The following RAB5A variants were observed in gnomAD, a reference collection of about 807,000 sequenced individuals.
RAB5A encodes the protein ras-related protein Rab-5A.
Under a neutral mutation model 25.7 loss-of-function variants are expected in RAB5A, and 8 were observed. That is an observed-to-expected ratio of 0.31 (90% CI 0.18 to 0.56). The LOEUF is 0.56. Ranked by LOEUF, RAB5A falls within the 20% of genes least tolerant of loss-of-function variation. RAB5A has a pLI of 0.91. For synonymous variants in RAB5A, 98 were observed against 89.8 expected, an observed-to-expected ratio of 1.09 and a Z score of -0.52; for missense variants, 192 against 259.7, an observed-to-expected ratio of 0.74 and a Z score of 1.79.
At chr3:19,962,554 G>A (rs1696602097) in intron 2 of RAB5A, among the ~76,000 whole-genome samples, 1 of 152,048 alleles carries the variant, frequency 6.6e-6, no homozygotes, top group Non-Finnish European at 1.5e-5. Context: ...GGGCAACAGA[G>A]CGAGAGTCCA....
chr3:19,984,115 G>T lies in RAB5A; in HGVS notation c.*292G>T. On this transcript the variant is annotated 3_prime_UTR_variant, in exon 6 of 6. Transcript: ENST00000273047. Reference sequence around the variant, plus strand: ...TCACTAGGAATATAGACAAATGACTGTCTGGGCCCACACAGTTAACCAGCC... The same window carrying T: ...TCACTAGGAATATAGACAAATGACTTTCTGGGCCCACACAGTTAACCAGCC... 2.4e-6 allele frequency: 1 copy of T among 408,944 alleles called. No individual in the cohort carries two copies. The highest frequency in any genetic ancestry group is 4.6e-6 in the Non-Finnish European group (1 of 218,188). The allele number at this position is 408,944 out of a possible 1,614,324, so 25.3% of individuals were successfully genotyped here.
At chr3:19,962,560 G>GT (rs1313745674) in intron 2 of RAB5A, among the ~76,000 whole-genome samples, 2 of 151,254 alleles carry the variant, frequency 1.3e-5, no homozygotes, top group Admixed American at 1.3e-4. Context: ...CAGAGCGAGA[G>GT]TCCATCTCAA....
intron 1 of RAB5A, among the ~76,000 whole-genome samples, chr3:19,950,564 A>C (rs1696408042): frequency 6.6e-6 from 1 of 152,190 alleles, no homozygotes; most frequent in South Asian, 2.1e-4. Context: ...TTGAGAAGTT[A>C]AGTACTTAAA....
chr3:19,979,052 C>T lies in RAB5A; in HGVS notation c.532+649C>T, dbSNP rs539904000. On this transcript the variant is annotated intron_variant, in intron 5 of 5. Coordinates refer to ENST00000273047, the MANE Select transcript of RAB5A (RefSeq NM_004162.5). ...AGTGCAATGGTACGATCTCAGCTCA[C>T]TGCAACCTCCACTTCCCGGATTCAA... Among the ~76,000 whole-genome samples, 11 of 152,106 alleles carry T rather than the reference C, an allele frequency of 7.2e-5. No homozygotes were observed. In the South Asian group the frequency reaches 2.3e-3, roughly 32 times the overall value.
chr3:19,948,809 G>A (rs1452395374), intron 1 of RAB5A, among the ~76,000 whole-genome samples: 2 of 151,908 alleles, frequency 1.3e-5, no homozygotes, highest in Non-Finnish European at 2.9e-5. Flanking sequence ...GAAATTTGGA[G>A]CATATTGTCC....
chr3:19,951,701 G>GTTTTTTTTGTTTTTTTTTTTTTT (rs1553638047), intron 2 of RAB5A, among the ~76,000 whole-genome samples: 1 of 99,014 alleles, frequency 1.0e-5, no homozygotes, highest in African/African-American at 4.1e-5. Context: ...TGCCAGGCAA[G>GTTTTTTTTGTTTTTTTTTTTTTT]TTTTTTTTTT....
intron 2 of RAB5A, among the ~76,000 whole-genome samples, chr3:19,972,698 T>A (rs894020511): frequency 1.3e-5 from 2 of 152,250 alleles, no homozygotes; most frequent in Non-Finnish European, 2.9e-5. Flanking sequence ...TTCATTAGCC[T>A]GTTAATGTAA....
intron 2 of RAB5A, among the ~76,000 whole-genome samples, chr3:19,957,490 T>TA (rs57627468): frequency 0.015 from 2,023 of 138,680 alleles, 22 homozygotes; most frequent in Admixed American, 0.04. Flanking sequence ...CCATCCTTAC[T>TA]AAAAAAAAAA....
chr3:19,969,017 GT>G (rs1197683403), intron 2 of RAB5A, among the ~76,000 whole-genome samples: 1 of 115,592 alleles, frequency 8.7e-6, no homozygotes, highest in Non-Finnish European at 2.0e-5. Flanking sequence ...GCAAATTGGT[GT>G]TTTTTGGTTT....
chr3:19,978,555 C>T (rs916290863), intron 5 of RAB5A, 152 bp downstream of exon 5: 8 of 569,948 alleles, frequency 1.4e-5, no homozygotes, highest in Non-Finnish European at 2.6e-5. Flanking sequence ...GATTATACCA[C>T]TTTTCTAAGT....
rs1389672482 is a variant in RAB5A at position 19,951,780 on chromosome 3, T to C, written c.163+719T>C. On this transcript the variant is annotated intron_variant, in intron 2 of 5. Coordinates refer to ENST00000273047, the MANE Select transcript of RAB5A (RefSeq NM_004162.5). Reference sequence around the variant, plus strand: ...TTGAACTCCTGGCCTCAAGTGAGCCTCCAGCCTCAACCTCCCAGGTAGCTG... The same window carrying C: ...TTGAACTCCTGGCCTCAAGTGAGCCCCCAGCCTCAACCTCCCAGGTAGCTG... Among the ~76,000 whole-genome samples, 7 of 146,328 alleles carry C rather than the reference T, an allele frequency of 4.8e-5. No individual in the cohort carries two copies. In the Admixed American group the frequency reaches 4.9e-4, roughly 10 times the overall value.
intron 2 of RAB5A, among the ~76,000 whole-genome samples, chr3:19,960,742 A>G (rs765646882): frequency 3.3e-5 from 5 of 152,262 alleles, no homozygotes; most frequent in Admixed American, 2.0e-4. Context: ...TCTACAAATC[A>G]GAATATCTGA....
chr3:19,976,216 G>A (rs1696823258), intron 4 of RAB5A, 47 bp downstream of exon 4: 1 of 1,570,992 alleles, frequency 6.4e-7, no homozygotes, highest in African/African-American at 1.4e-5. Context: ...TTTCCTGTAT[G>A]TTTTTCTTTC....
In RAB5A at chr3:19,983,702, T is replaced by C; in HGVS notation, c.533-6T>C. On this transcript the variant is annotated splice_polypyrimidine_tract_variant and splice_region_variant and intron_variant, in intron 5 of 5. Transcript: ENST00000273047. ...ATATTCTATTTATTTGATCATTTTC[T>C]TTCAGCTAAAAAATTGCCAAAGAAT... 1 of 1,558,786 alleles carries C rather than the reference T, an allele frequency of 6.4e-7. No individual in the cohort carries two copies. Among genetic ancestry groups the C allele is most frequent in the Non-Finnish European group, 8.8e-7 (1 of 1,134,026 alleles).
chr3:19,978,244 T>G (rs1299698632), intron 4 of RAB5A, 66 bp from the exon 5 acceptor site: 7 of 1,034,832 alleles, frequency 6.8e-6, no homozygotes, highest in Non-Finnish European at 1.1e-5. Flanking sequence ...ATAACAAGTT[T>G]AAAGCAGGTG....
intron 2 of RAB5A, among the ~76,000 whole-genome samples, chr3:19,962,137 CTT>C (rs1334921734): frequency 2.0e-5 from 3 of 152,188 alleles, no homozygotes; most frequent in African/African-American, 4.8e-5. Context: ...CCTTTTATGA[CTT>C]TGCTCCAGAA....
chr3:19,957,582 G>C (rs902578744), intron 2 of RAB5A, among the ~76,000 whole-genome samples: 1 of 151,680 alleles, frequency 6.6e-6, no homozygotes, highest in Non-Finnish European at 1.5e-5. Context: ...AGTATTGCTT[G>C]AACCTGGGAG....
intron 2 of RAB5A, among the ~76,000 whole-genome samples, chr3:19,968,926 CAT>C (rs1696697783): frequency 6.6e-6 from 1 of 151,832 alleles, no homozygotes. Flanking sequence ...AAAGTATTAG[CAT>C]TTTCTTGCCT....
intron 2 of RAB5A, among the ~76,000 whole-genome samples, chr3:19,965,521 G>A (rs866679118): frequency 4.6e-5 from 7 of 151,394 alleles, no homozygotes; most frequent in Admixed American, 2.0e-4. Context: ...TGGGTGTCCC[G>A]TAAGGGTTGC....
Sources: gnomAD v4.1 joint callset for allele counts (sites outside exome capture counted in the v4.1 genomes callset) on GRCh38, gnomAD v4.1.1 for gene constraint, MANE v1.5 for transcripts, NCBI Gene and HGNC (gene_info 2026-07-23, HGNC 2026-07-21) for gene names.